Variants in ZMIZ1 observed in about 807,000 individuals in gnomAD.
ZMIZ1 encodes zinc finger MIZ domain-containing protein 1.
ZMIZ1 carries 17 observed loss-of-function variants against 113.9 expected under a neutral mutation model. The observed-to-expected ratio is 0.15, with a 90% CI of 0.10 to 0.22. The LOEUF (loss-of-function observed/expected upper bound fraction) is 0.22. ZMIZ1 is among the 10% of genes least tolerant of loss of function. The pLI, the probability that ZMIZ1 is intolerant of heterozygous loss-of-function variation, is 1.00. For synonymous variants in ZMIZ1, 607 were observed against 603.1 expected, an observed-to-expected ratio of 1.01 and a Z score of -0.09; for missense variants, 1,059 against 1,477.8, an observed-to-expected ratio of 0.72 and a Z score of 4.65.
chr10:79,293,842 T>A, intron 12 of ZMIZ1, 189 bp downstream of exon 12: 2 of 839,894 alleles, frequency 2.4e-6, no homozygotes, highest in Non-Finnish European at 3.8e-6. Context: ...CTGAAAGACC[T>A]CGAGCCAGTC....
At chr10:79,243,998 C>G (rs533264158) in intron 7 of ZMIZ1, among the ~76,000 whole-genome samples, 2 of 152,382 alleles carry the variant, frequency 1.3e-5, no homozygotes, top group East Asian at 3.9e-4. Context: ...CGCCCCCACC[C>G]AGGTCCCTGA....
chr10:79,157,399 GTGT>G (rs760996757), intron 3 of ZMIZ1, among the ~76,000 whole-genome samples: 1 of 151,344 alleles, frequency 6.6e-6, no homozygotes, highest in Non-Finnish European at 1.5e-5. Flanking sequence ...GTGTGTGTGT[GTGT>G]GGTCAGTTGG....
intron 7 of ZMIZ1, among the ~76,000 whole-genome samples, chr10:79,270,709 C>T (rs1851894766): frequency 6.6e-6 from 1 of 152,150 alleles, no homozygotes; most frequent in Non-Finnish European, 1.5e-5. Context: ...CTGCTGAGGT[C>T]AACTCTCCCT....
At chr10:79,107,786 G>A (rs73298159) in intron 1 of ZMIZ1, among the ~76,000 whole-genome samples, 1,699 of 152,290 alleles carry the variant, frequency 0.011, 30 homozygotes, top group African/African-American at 0.038. Flanking sequence ...CATGCCTACC[G>A]CCTCACTACC....
chr10:79,231,415 T>A (rs1335353298), intron 7 of ZMIZ1, among the ~76,000 whole-genome samples: 1 of 151,874 alleles, frequency 6.6e-6, no homozygotes, highest in East Asian at 1.9e-4. Flanking sequence ...GGCTAATGTT[T>A]GTATTTTTAG....
At chr10:79,188,352 C>T (rs1239231684) in intron 4 of ZMIZ1, among the ~76,000 whole-genome samples, 2 of 152,174 alleles carry the variant, frequency 1.3e-5, no homozygotes, top group Non-Finnish European at 1.5e-5. Flanking sequence ...CTACTCTGGC[C>T]TTTGCCCTTC....
intron 5 of ZMIZ1, among the ~76,000 whole-genome samples, chr10:79,206,958 G>A (rs1447874872): frequency 2.0e-5 from 3 of 152,180 alleles, no homozygotes; most frequent in African/African-American, 7.2e-5. Context: ...CAACAGTCAC[G>A]GAACCTTAAG....
chr10:79,310,605 G>C (rs1336812614), intron 23 of ZMIZ1, among the ~76,000 whole-genome samples: 8 of 152,050 alleles, frequency 5.3e-5, no homozygotes, highest in Admixed American at 5.2e-4. Context: ...CGTTGTCTGG[G>C]CGGGGAGGTG....
At chr10:79,079,286 GCTGTGGGCCCCCAGAAC>G (rs1207677304) in intron 1 of ZMIZ1, among the ~76,000 whole-genome samples, 1 of 152,226 alleles carries the variant, frequency 6.6e-6, no homozygotes, top group Admixed American at 6.5e-5. Context: ...ACCCATGGGG[GCTGTGGGCCCCCAGAAC>G]CTGTGGTCAA....
intron 16 of ZMIZ1, among the ~76,000 whole-genome samples, chr10:79,300,166 C>T (rs907921299): frequency 2.8e-4 from 42 of 152,262 alleles, no homozygotes; most frequent in African/African-American, 9.9e-4. Flanking sequence ...CCTGCCTGCA[C>T]CCTGCTCACC....
chr10:79,302,788 G>A (rs1351688396), intron 18 of ZMIZ1, among the ~76,000 whole-genome samples: 1 of 146,730 alleles, frequency 6.8e-6, no homozygotes, highest in Non-Finnish European at 1.5e-5. Flanking sequence ...CCGCCTCATG[G>A]GTTCACGCCA....
chr10:79,125,481 T>A (rs1397058297), intron 2 of ZMIZ1, among the ~76,000 whole-genome samples: 1 of 152,232 alleles, frequency 6.6e-6, no homozygotes, highest in African/African-American at 2.4e-5. Flanking sequence ...TGTAAGGTTG[T>A]AAAGAGTTTC....
At chr10:79,199,885 C>G (rs1461383914) in intron 4 of ZMIZ1, among the ~76,000 whole-genome samples, 3 of 152,220 alleles carry the variant, frequency 2.0e-5, no homozygotes, top group African/African-American at 7.2e-5. Context: ...ACAGGACTTT[C>G]TTCCAAAGGC....
At chr10:79,126,085 C>T (rs893402576) in intron 2 of ZMIZ1, among the ~76,000 whole-genome samples, 1 of 152,194 alleles carries the variant, frequency 6.6e-6, no homozygotes, top group Non-Finnish European at 1.5e-5. Flanking sequence ...CTCCGTGGAG[C>T]CGCATTTGTG....
chr10:79,073,867 A>G (rs915157514), intron 1 of ZMIZ1, among the ~76,000 whole-genome samples: 4 of 152,038 alleles, frequency 2.6e-5, no homozygotes, highest in African/African-American at 9.7e-5. Flanking sequence ...ACAGGTGTTG[A>G]CTGTGAGTGT....
chr10:79,159,009 C>T (rs1004811381), intron 3 of ZMIZ1, among the ~76,000 whole-genome samples: 4 of 152,178 alleles, frequency 2.6e-5, no homozygotes, highest in African/African-American at 7.2e-5. Context: ...GAGAAGCTGC[C>T]GTGTGGTCAG....
chr10:79,291,327 C>T, intron 10 of ZMIZ1, 151 bp downstream of exon 10: 1 of 1,049,842 alleles, frequency 9.5e-7, no homozygotes, highest in Non-Finnish European at 1.3e-6. Flanking sequence ...TCAGTCATCC[C>T]TGGCTCCCAG....
intron 5 of ZMIZ1, among the ~76,000 whole-genome samples, chr10:79,206,195 T>G (rs1044814964): frequency 6.6e-6 from 1 of 151,888 alleles, no homozygotes; most frequent in Non-Finnish European, 1.5e-5. Flanking sequence ...ACAAGCTGTC[T>G]GGGGTGAGCT....
intron 11 of ZMIZ1, chr10:79,292,784 C>T: frequency 2.1e-6 from 1 of 465,340 alleles, no homozygotes; most frequent in South Asian, 1.5e-5. Context: ...TGCGCAGGCC[C>T]CAGTGCTGCT....
Sources: gnomAD v4.1 joint callset for allele counts (sites outside exome capture counted in the v4.1 genomes callset) on GRCh38, gnomAD v4.1.1 for gene constraint, MANE v1.5 for transcripts, NCBI Gene and HGNC (gene_info 2026-07-23, HGNC 2026-07-21) for gene names.